Variants in TFCP2 observed in about 807,000 individuals in gnomAD.
The protein encoded by TFCP2 is transcription factor CP2.
Under a neutral mutation model 73.4 loss-of-function variants are expected in TFCP2, and 33 were observed. The ratio of observed to expected loss-of-function variants is 0.45; its 90% CI spans 0.34 to 0.60. TFCP2 has a LOEUF of 0.60. Among genes scored for constraint, TFCP2 ranks in the 20% least tolerant of loss-of-function variants. The probability of loss-of-function intolerance (pLI) is 0.01; values close to 1 mark genes in which losing one functional copy is unlikely to be tolerated. For missense variants in TFCP2, 352 were observed against 604.0 expected (o/e 0.58, Z 4.37); for synonymous variants, 193 against 211.6 (o/e 0.91, Z 0.76).
chr12:51,100,176 G>A (rs1940075469), intron 11 of TFCP2, among the ~76,000 whole-genome samples: 1 of 152,082 alleles, frequency 6.6e-6, no homozygotes, highest in Non-Finnish European at 1.5e-5. Context: ...TGAGTTTGTG[G>A]CCTTTGGTGT....
chr12:51,099,540 T>C (rs945195737), intron 12 of TFCP2, 115 bp downstream of exon 12: 2 of 1,348,420 alleles, frequency 1.5e-6, no homozygotes, highest in African/African-American at 1.5e-5. Context: ...CTAGTGATTA[T>C]TGTTACTTCT....
intron 1 of TFCP2, among the ~76,000 whole-genome samples, chr12:51,156,090 T>C (rs1189396825): frequency 1.3e-5 from 2 of 151,480 alleles, no homozygotes; most frequent in Non-Finnish European, 2.9e-5. Context: ...TATTAGTCCA[T>C]AGATTTCTTA....
intron 9 of TFCP2, 71 bp downstream of exon 9, chr12:51,104,084 T>C (rs1940174406): frequency 1.4e-6 from 2 of 1,468,764 alleles, no homozygotes; most frequent in Non-Finnish European, 1.9e-6. Context: ...GTTGGGCATT[T>C]CTACTGAATT....
intron 4 of TFCP2, among the ~76,000 whole-genome samples, chr12:51,111,714 C>T (rs773373368): frequency 4.6e-5 from 7 of 151,770 alleles, no homozygotes; most frequent in East Asian, 1.9e-4. Context: ...ATTAGCCGGC[C>T]GTGGTGGCCC....
chr12:51,098,980 G>C, intron 12 of TFCP2, 62 bp from the exon 13 acceptor site: 1 of 1,559,872 alleles, frequency 6.4e-7, no homozygotes, highest in South Asian at 1.2e-5. Flanking sequence ...CAGGTAACTT[G>C]ATCACTAGGA....
intron 7 of TFCP2, 176 bp downstream of exon 7, chr12:51,107,060 C>G: frequency 1.6e-6 from 1 of 641,044 alleles, no homozygotes; most frequent in Non-Finnish European, 2.8e-6. Flanking sequence ...GAGACAGTGG[C>G]ATGGTTCGTG....
intron 6 of TFCP2, among the ~76,000 whole-genome samples, chr12:51,108,280 C>T (rs1383233148): frequency 4.2e-5 from 6 of 144,422 alleles, no homozygotes; most frequent in African/African-American, 5.1e-5. Context: ...AGTGAAACTC[C>T]GACTCAAAAA....
intron 3 of TFCP2, among the ~76,000 whole-genome samples, chr12:51,117,160 C>G (rs1940547636): frequency 6.6e-6 from 1 of 152,166 alleles, no homozygotes; most frequent in Admixed American, 6.6e-5. Flanking sequence ...CTGTTTCCAT[C>G]AACTTTCCTT....
chr12:51,167,630 G>A (rs990257126), intron 1 of TFCP2, among the ~76,000 whole-genome samples: 5 of 152,046 alleles, frequency 3.3e-5, no homozygotes, highest in African/African-American at 4.8e-5. Context: ...TGACCTCAAG[G>A]TGATCTGCCT....
chr12:51,121,772 T>C (rs984661617), intron 1 of TFCP2, among the ~76,000 whole-genome samples: 2 of 151,978 alleles, frequency 1.3e-5, no homozygotes, highest in Non-Finnish European at 2.9e-5. Flanking sequence ...AGCCCAATGA[T>C]TCTTGTTAAC....
chr12:51,125,393 C>G lies in TFCP2; in HGVS notation c.123-6621G>C, dbSNP rs112432562. 2.7e-3 allele frequency: 1,230 copies of G among 460,070 alleles called. 9 individuals carry two copies. Among genetic ancestry groups the G allele is most frequent in the African/African-American group, 0.022 (1,124 of 50,434 alleles). 28.5% of individuals were successfully genotyped at this position (460,070 alleles called of 1,614,324 possible). On this transcript the variant is annotated intron_variant, in intron 1 of 14. Transcript: ENST00000257915. ...AAGCCAAACTTACCGTGGACTCAAACACTTTGGCTGCCATGTTTTCTTCTG... is the reference window on the plus strand; with the variant it reads ...AAGCCAAACTTACCGTGGACTCAAAGACTTTGGCTGCCATGTTTTCTTCTG...
intron 1 of TFCP2, among the ~76,000 whole-genome samples, chr12:51,151,598 G>A (rs1349047699): frequency 3.9e-5 from 6 of 152,124 alleles, no homozygotes; most frequent in Middle Eastern, 3.4e-3. Context: ...CACCACGCCC[G>A]GCTAATTTTT....
intron 12 of TFCP2, 46 bp downstream of exon 12, chr12:51,099,608 TC>T (rs1299682895): frequency 1.2e-6 from 2 of 1,600,074 alleles, no homozygotes; most frequent in Admixed American, 3.4e-5. Context: ...ATAAGTTATC[TC>T]TTCACCTTTC....
intron 1 of TFCP2, among the ~76,000 whole-genome samples, chr12:51,166,492 G>T (rs1416863136): frequency 6.6e-6 from 1 of 152,020 alleles, no homozygotes; most frequent in African/African-American, 2.4e-5. Flanking sequence ...GGAATTAGGG[G>T]ACAGCTCTTA....
chr12:51,147,844 G>A (rs966613410), intron 1 of TFCP2, among the ~76,000 whole-genome samples: 4 of 152,110 alleles, frequency 2.6e-5, no homozygotes, highest in Non-Finnish European at 5.9e-5. Context: ...AATCAGCAGA[G>A]TAAAGAGACA....
At chr12:51,130,512 CTATT>C (rs1169848943) in intron 1 of TFCP2, among the ~76,000 whole-genome samples, 1 of 151,980 alleles carries the variant, frequency 6.6e-6, no homozygotes, top group Non-Finnish European at 1.5e-5. Flanking sequence ...TTTAGGGATC[CTATT>C]TATTATTAGA....
intron 13 of TFCP2, 103 bp from the exon 14 acceptor site, chr12:51,096,143 A>C: frequency 2.5e-6 from 2 of 808,722 alleles, no homozygotes; most frequent in South Asian, 3.7e-5. Flanking sequence ...TTTATATGGG[A>C]GGCTTTACAG....
At chr12:51,117,838 C>G in intron 2 of TFCP2, 91 bp from the exon 3 acceptor site, 2 of 764,678 alleles carry the variant, frequency 2.6e-6, no homozygotes. Context: ...GAATATACAA[C>G]AGTATAATAA....
rs1021083396 is a variant in TFCP2, at chr12:51,094,386, C to CA, written c.*854dup. 6.6e-6 allele frequency: 1 copy of CA among 152,152 alleles called. No individual in the cohort carries two copies. The highest frequency in any genetic ancestry group is 2.4e-5 in the African/African-American group (1 of 41,430). 9.4% of individuals were successfully genotyped at this position (152,152 alleles called of 1,614,324 possible). A position where few individuals can be genotyped will look rare whatever the true frequency, so the allele number is the denominator to read the frequency against. ...AGTGGTTAATTCCTCAGTTCATACTCAGTGTTATGTTGTAGTCACCAGAAG... is the reference window on the plus strand; with the variant it reads ...AGTGGTTAATTCCTCAGTTCATACTCAAGTGTTATGTTGTAGTCACCAGAAG... On this transcript the variant is annotated 3_prime_UTR_variant, in exon 15 of 15. Coordinates refer to ENST00000257915, the MANE Select transcript of TFCP2 (RefSeq NM_005653.5).
Sources: gnomAD v4.1 joint callset for allele counts (sites outside exome capture counted in the v4.1 genomes callset) on GRCh38, gnomAD v4.1.1 for gene constraint, MANE v1.5 for transcripts, NCBI Gene and HGNC (gene_info 2026-07-23, HGNC 2026-07-21) for gene names.